Variants in C1GALT1C1 observed in about 807,000 individuals in gnomAD.
The protein encoded by C1GALT1C1 is C1GALT1 specific chaperone 1.
For synonymous variants in C1GALT1C1, 77 were observed against 77.9 expected (o/e 0.99, Z 0.06); for missense variants, 176 against 234.7 (o/e 0.75, Z 1.63).
rs374944944 is a variant in C1GALT1C1, at chrX:120,627,081, C to A, written c.86G>T (p.Arg29Met). The A allele has an allele frequency of 7.4e-6, 9 of 1,208,083 alleles. No individual in the cohort carries two copies. In the African/African-American group the frequency reaches 1.4e-4, roughly 19 times the overall value. ...GTGCATTCTATTTCCATGACCAATC[C>A]TAATGTGTCCTAGCATAGTGATCAA... ...CALITMLGHI[R>M]IGHGNRMHHH... The change falls in exon 2 of 2, where the codon AGG (arginine) becomes ATG (methionine). Residue 29 changes from arginine to methionine, a missense_variant. Arg to Met is a moderately conservative substitution (Grantham distance 91, BLOSUM62 -1). Transcript: ENST00000304661.
At chrX:120,628,623 T>C (rs1044789539) in intron 1 of C1GALT1C1, among the ~76,000 whole-genome samples, 3 of 112,258 alleles carry the variant, frequency 2.7e-5, no homozygotes, top group Admixed American at 1.9e-4. Context: ...CATTAGAGTT[T>C]AATAAATGGG....
At chrX:120,629,084 G>A (rs1434912639) in intron 1 of C1GALT1C1, among the ~76,000 whole-genome samples, 3 of 110,205 alleles carry the variant, frequency 2.7e-5, no homozygotes, top group Non-Finnish European at 5.7e-5. Context: ...AAAATTAGCC[G>A]GGCATGGTGG....
intron 1 of C1GALT1C1, 52 bp from the exon 2 acceptor site, chrX:120,627,223 AT>A: frequency 1.1e-6 from 1 of 930,956 alleles, no homozygotes; most frequent in South Asian, 3.4e-5. Flanking sequence ...AGATTAGTCT[AT>A]AAATTTGATT....
At chrX:120,629,286 C>T (rs1174687812) in intron 1 of C1GALT1C1, among the ~76,000 whole-genome samples, 2 of 110,301 alleles carry the variant, frequency 1.8e-5, no homozygotes, top group South Asian at 7.6e-4. Flanking sequence ...CAGGTGCACT[C>T]TAAGATTAAT....
intron 1 of C1GALT1C1, among the ~76,000 whole-genome samples, chrX:120,627,712 A>G (rs979353397): frequency 6.3e-5 from 7 of 111,942 alleles, no homozygotes; most frequent in African/African-American, 1.9e-4. Flanking sequence ...CTTGAGAATA[A>G]CACCATATAG....
chrX:120,629,565 T>C (rs1443607330), intron 1 of C1GALT1C1, among the ~76,000 whole-genome samples: 1 of 73,052 alleles, frequency 1.4e-5, no homozygotes, highest in Non-Finnish European at 2.6e-5. Context: ...GGATACTTTG[T>C]GCAGAAGGAA....
At chrX:120,629,082 C>T (rs1260147361) in intron 1 of C1GALT1C1, among the ~76,000 whole-genome samples, 1 of 110,287 alleles carries the variant, frequency 9.1e-6, no homozygotes, top group Admixed American at 9.7e-5. Flanking sequence ...CAAAAATTAG[C>T]CGGGCATGGT....
chrX:120,626,633 A>G lies in C1GALT1C1; in HGVS notation c.534T>C (p.Leu178=). The part of the protein sequence containing the change: ...YLGHTIKSGD[L]EYVGMEGGIV... ...TTCCTCCTTCCATACCCACATATTC[A>G]AGGTCTCCAGATTTTATAGTGTGGC... Residue 178 remains leucine, a synonymous_variant, in exon 2 of 2, where the codon CTT becomes CTC. Coordinates refer to ENST00000304661, the MANE Select transcript of C1GALT1C1 (RefSeq NM_001011551.3). 1 of 1,208,386 alleles carries G rather than the reference A, an allele frequency of 8.3e-7. No homozygotes were observed. The highest frequency in any genetic ancestry group is 1.7e-5 in the African/African-American group (1 of 57,643).
rs770483449 is a variant in C1GALT1C1, at chrX:120,626,703, T to C, written c.464A>G (p.Lys155Arg). The C allele has an allele frequency of 2.0e-5, 24 of 1,211,603 alleles. No homozygotes were observed. The South Asian group carries it at 4.2e-4, about 21-fold the overall frequency. Residue 155 changes from lysine (K) to arginine (R), a missense_variant, in exon 2 of 2, where the codon AAG (lysine) becomes AGG (arginine). Transcript: ENST00000304661. ...PTTFAIIENL[K>R]YFLLKKDPSQ... ...TGGATCCTTTTTTAACAAAAAATAC[T>C]TTAGGTTTTCAATGATAGCAAACGT...
rs768653322 is a variant in C1GALT1C1, at chrX:120,627,049, C to T, written c.118G>A (p.Glu40Lys). The T allele has an allele frequency of 9.9e-6, 12 of 1,208,726 alleles. No individual in the cohort carries two copies. In the African/African-American group the frequency reaches 1.9e-4, roughly 19 times the overall value. ...TTAGGAGCTTGTAGGTGATGATGCTCATGGTGGTGCATTCTATTTCCATGA... is the reference window on the plus strand; with the variant it reads ...TTAGGAGCTTGTAGGTGATGATGCTTATGGTGGTGCATTCTATTTCCATGA... Reference protein sequence around the residue: ...IGHGNRMHHHEHHHLQAPNKE... With the variant: ...IGHGNRMHHHKHHHLQAPNKE... The change falls in exon 2 of 2, where the codon GAG becomes AAG. Residue 40 changes from glutamate to lysine, a missense_variant. Transcript: ENST00000304661.
rs1927195518 is a variant in C1GALT1C1 at position 120,626,909 on chromosome X, T to C, written c.258A>G (p.Val86=). ...KPKDVSLWAA[V]KETWTKHCDK... ...CACAGTGTTTGGTCCAAGTCTCCTT[T>C]ACTGCAGCCCAAAGACTCACATCTT... The change falls in exon 2 of 2, where the codon GTA becomes GTG. Residue 86 remains valine, a synonymous_variant. Transcript: ENST00000304661. The C allele has an allele frequency of 8.3e-7, 1 of 1,211,829 alleles. No homozygotes were observed. The highest frequency in any genetic ancestry group is 1.8e-5 in the South Asian group (1 of 56,994).
Position 120,626,167 on chromosome X carries a change from C to G in C1GALT1C1, c.*43G>C, listed in dbSNP as rs750980787. ...GTTACTACTACAAATAATGACAACA[C>G]ACGTCCTATACAAAGATCATATTCA... is the stretch of plus-strand genomic sequence containing the variant. On this transcript the variant is annotated 3_prime_UTR_variant, in exon 2 of 2. Coordinates refer to ENST00000304661, the MANE Select transcript of C1GALT1C1 (RefSeq NM_001011551.3). 1.5e-5 allele frequency: 16 copies of G among 1,073,656 alleles called. No homozygotes were observed. The highest frequency in any genetic ancestry group is 2.5e-6 in the Non-Finnish European group (2 of 785,861). The allele number at this position is 1,073,656 out of a possible 1,213,427, so 88.5% of individuals were successfully genotyped here. A position where few individuals can be genotyped will look rare whatever the true frequency, so the allele number is the denominator to read the frequency against.
rs1927157671 is a variant in C1GALT1C1, at chrX:120,625,988, A to C, written c.*222T>G. ...GTTTATTTGCAAAATTATTATTCTT[A>C]AAACACTTCTTTCCAACACATTTAC... On this transcript the variant is annotated 3_prime_UTR_variant, in exon 2 of 2. Coordinates refer to ENST00000304661, the MANE Select transcript of C1GALT1C1 (RefSeq NM_001011551.3). 1 of 303,950 alleles carries C rather than the reference A, an allele frequency of 3.3e-6. No individual in the cohort carries two copies. Among genetic ancestry groups the C allele is most frequent in the African/African-American group, 2.7e-5 (1 of 37,026 alleles). 25.0% of individuals were successfully genotyped at this position (303,950 alleles called of 1,213,427 possible).
rs1436469245 is a variant in C1GALT1C1 at position 120,628,001 on chromosome X, G to A, written c.-5-830C>T. Among the ~76,000 whole-genome samples, 6 of 111,773 alleles carry A rather than the reference G, an allele frequency of 5.4e-5. No homozygotes were observed. The Admixed American group carries it at 5.7e-4, about 11-fold the overall frequency. ...TGGCTGTTATCTCAGCACTTTGGGA[G>A]GCTGAGGTGGGTGGATCCCTTGAGT... On this transcript the variant is annotated intron_variant, in intron 1 of 1. Transcript: ENST00000304661.
chrX:120,626,415 A>T lies in C1GALT1C1; in HGVS notation c.752T>A (p.Val251Asp). The change falls in exon 2 of 2, where the codon GTT becomes GAT. Residue 251 changes from valine (V) to aspartate (D), a missense_variant. Transcript: ENST00000304661. ...CATTGCCTCTTTAATAGAAAGCCCA[A>T]CAGATTTGGTATTAAATACATCTTT... is the stretch of plus-strand genomic sequence containing the variant. ...DGKDVFNTKSVGLSIKEAMTY... is the reference protein window; with the variant it reads ...DGKDVFNTKSDGLSIKEAMTY... 1 of 1,211,863 alleles carries T rather than the reference A, an allele frequency of 8.3e-7. No homozygotes were observed. The highest frequency in any genetic ancestry group is 1.1e-6 in the Non-Finnish European group (1 of 895,296).
rs1435096414 is a variant in C1GALT1C1, at chrX:120,626,634, A to T, written c.533T>A (p.Leu178His). The change falls in exon 2 of 2, where the codon CTT becomes CAT. Residue 178 changes from leucine to histidine, a missense_variant. Physicochemically the swap from Leu to His is moderately conservative, Grantham distance 99 (BLOSUM62 -3). Coordinates refer to ENST00000304661, the MANE Select transcript of C1GALT1C1 (RefSeq NM_001011551.3). The part of the protein sequence containing the change: ...YLGHTIKSGD[L>H]EYVGMEGGIV... ...TCCTCCTTCCATACCCACATATTCA[A>T]GGTCTCCAGATTTTATAGTGTGGCC... 8.3e-7 allele frequency: 1 copy of T among 1,208,211 alleles called. No individual in the cohort carries two copies. Among genetic ancestry groups the T allele is most frequent in the South Asian group, 1.8e-5 (1 of 56,673 alleles).
rs772845587 is a variant in C1GALT1C1, at chrX:120,626,330, A to G, written c.837T>C (p.Asn279=). The change falls in exon 2 of 2, where the codon AAT becomes AAC. Residue 279 remains asparagine (N), a synonymous_variant. Coordinates refer to ENST00000304661, the MANE Select transcript of C1GALT1C1 (RefSeq NM_001011551.3). ...GCCSDMAVTF[N]GLTPNQMHVM... is the part of the protein sequence containing the mutation. ...CATGCATCTGATTTGGAGTCAGTCC[A>G]TTAAAAGTAACAGCCATATCTGAAC... is the stretch of plus-strand genomic sequence containing the variant. The G allele has an allele frequency of 3.3e-6, 4 of 1,212,304 alleles. No individual in the cohort carries two copies. The South Asian group carries it at 5.3e-5, about 16-fold the overall frequency.
At position 120,629,573 on chromosome X, in the gene C1GALT1C1, G is replaced by A. The variant is rs755452821; in HGVS notation, c.-6+344C>T. ...TATGATAGGATACTTTGTGCAGAAGGAAACAAAACTGCACACGAGCACAAA... is the reference window on the plus strand; with the variant it reads ...TATGATAGGATACTTTGTGCAGAAGAAAACAAAACTGCACACGAGCACAAA... On this transcript the variant is annotated intron_variant, in intron 1 of 1. Coordinates refer to ENST00000304661, the MANE Select transcript of C1GALT1C1 (RefSeq NM_001011551.3). 5.9e-5 allele frequency among the ~76,000 whole-genome samples: 4 copies of A among 67,786 alleles called. No individual in the cohort carries two copies. The South Asian group carries it at 2.8e-3, about 47-fold the overall frequency. 58.9% of individuals were successfully genotyped at this position (67,786 alleles called of 115,157 possible). A position where few individuals can be genotyped will look rare whatever the true frequency, so the allele number is the denominator to read the frequency against.
At position 120,625,946 on chromosome X, in the gene C1GALT1C1, T is replaced by C. The variant is rs1307278262; in HGVS notation, c.*264A>G. 4.0e-6 allele frequency: 1 copy of C among 252,091 alleles called. No individual in the cohort carries two copies. The highest frequency in any genetic ancestry group is 7.0e-6 in the Non-Finnish European group (1 of 142,165). 20.8% of individuals were successfully genotyped at this position (252,091 alleles called of 1,213,427 possible). On this transcript the variant is annotated 3_prime_UTR_variant, in exon 2 of 2. Coordinates refer to ENST00000304661, the MANE Select transcript of C1GALT1C1 (RefSeq NM_001011551.3). ...TGTTCATAATTTAGAATTTATCACA[T>C]ATAATATTTATTAATAGTTTATTTG...
Sources: allele counts gnomAD v4.1 joint callset (sites outside exome capture counted in the v4.1 genomes callset), GRCh38; gene constraint gnomAD v4.1.1; transcripts MANE v1.5; gene names NCBI Gene and HGNC (gene_info 2026-07-23, HGNC 2026-07-21).